TIMP4: variants seen among roughly 807,000 people sequenced by gnomAD.
The protein encoded by TIMP4 is TIMP metallopeptidase inhibitor 4.
TIMP4 carries 28 observed loss-of-function variants against 27.3 expected under a neutral mutation model. The ratio of observed to expected loss-of-function variants is 1.03; its 90% confidence interval spans 0.76 to 1.41. The LOEUF is 1.41. Among genes scored for constraint, TIMP4 ranks in the 40% most tolerant of loss-of-function variants. TIMP4 has a pLI of 0.00. For missense variants in TIMP4, 307 were observed against 285.5 expected, an observed-to-expected ratio of 1.08 and a Z score of -0.54; for synonymous variants, 138 against 115.5, an observed-to-expected ratio of 1.20 and a Z score of -1.25.
chr3:12,155,740 C>G (rs565873059), intron 3 of TIMP4, among the ~76,000 whole-genome samples: 3 of 152,316 alleles, frequency 2.0e-5, no homozygotes, highest in African/African-American at 7.2e-5. Flanking sequence ...GACTTGACCT[C>G]CCTGAAGGCA....
chr3:12,154,015 A>G (rs1353454684), intron 4 of TIMP4, among the ~76,000 whole-genome samples: 1 of 152,172 alleles, frequency 6.6e-6, no homozygotes, highest in Admixed American at 6.5e-5. Context: ...TTAATTCTTC[A>G]TAAATATGTT....
At chr3:12,158,473 C>G (rs894806701) in intron 1 of TIMP4, among the ~76,000 whole-genome samples, 1 of 152,122 alleles carries the variant, frequency 6.6e-6, no homozygotes, top group African/African-American at 2.4e-5. Flanking sequence ...TGAGGGAGGT[C>G]GCTATGGAAG....
chr3:12,157,634 G>A, intron 1 of TIMP4, 152 bp from the exon 2 acceptor site: 1 of 686,124 alleles, frequency 1.5e-6, no homozygotes, highest in South Asian at 1.8e-5. Context: ...TGAGAAGGGG[G>A]ACCTGGAAAC....
chr3:12,153,179 C>T lies in TIMP4; in HGVS notation c.*336G>A. The stretch of plus-strand genomic sequence containing the variant: ...CATGTGTATGACATTCGCCATTTCT[C>T]CCCTACCAGATCGATTAAGACAAAG... On this transcript the variant is annotated 3_prime_UTR_variant, in exon 5 of 5. Coordinates refer to ENST00000287814, the MANE Select transcript of TIMP4 (RefSeq NM_003256.4). The T allele has an allele frequency of 2.5e-6, 1 of 392,692 alleles. No homozygotes were observed. Among genetic ancestry groups the T allele is most frequent in the Non-Finnish European group, 4.8e-6 (1 of 206,818 alleles). The allele number at this position is 392,692 out of a possible 1,614,324, so 24.3% of individuals were successfully genotyped here. A position where few individuals can be genotyped will look rare whatever the true frequency, so the allele number is the denominator to read the frequency against.
Position 12,153,480 on chromosome 3 carries a change from G to T in TIMP4, c.*35C>A, listed in dbSNP as rs948912634. The T allele has an allele frequency of 5.6e-6, 9 of 1,609,580 alleles. No homozygotes were observed. Among genetic ancestry groups the T allele is most frequent in the Non-Finnish European group, 7.6e-6 (9 of 1,177,652 alleles). ...GAAGGAGAACTGGCTTGATCTTCAG[G>T]ACTCTTGAAGGGATGTGATGGTCAC... On this transcript the variant is annotated 3_prime_UTR_variant, in exon 5 of 5. Transcript: ENST00000287814.
intron 1 of TIMP4, 153 bp downstream of exon 1, chr3:12,158,549 G>C (rs1217989972): frequency 2.6e-6 from 3 of 1,140,256 alleles, no homozygotes; most frequent in Middle Eastern, 2.0e-4. Flanking sequence ...TTGCTATGGC[G>C]CCTGGTCCTT....
chr3:12,153,553 G>T lies in TIMP4; in HGVS notation c.637C>A (p.Pro213Thr), dbSNP rs1697365541. The T allele has an allele frequency of 2.5e-6, 4 of 1,614,012 alleles. No individual in the cohort carries two copies. Among genetic ancestry groups the T allele is most frequent in the East Asian group, 2.2e-5 (1 of 44,882 alleles). ...ATGTCAACAAACTCCTTCCTGAGAG[G>T]CAGGTGGCCCCGGTACCAGCTGCAG... ...GTCSWYRGHLPLRKEFVDIVQ... is the reference protein window; with the variant it reads ...GTCSWYRGHLTLRKEFVDIVQ... Residue 213 changes from proline to threonine, a missense_variant, in exon 5 of 5, where the codon CCT (proline) becomes ACT (threonine). Transcript: ENST00000287814.
chr3:12,156,968 G>T, intron 2 of TIMP4, 34 bp from the exon 3 acceptor site: 1 of 1,462,956 alleles, frequency 6.8e-7, no homozygotes, highest in Non-Finnish European at 9.6e-7. Flanking sequence ...GCAATATTGG[G>T]TCAGTGAGTG....
intron 3 of TIMP4, 66 bp from the exon 4 acceptor site, chr3:12,154,517 T>A: frequency 6.3e-7 from 1 of 1,582,098 alleles, no homozygotes; most frequent in East Asian, 2.2e-5. Context: ...GGGGCCCAGG[T>A]CCTTGAAAAG....
rs762746620 is a variant in TIMP4, at chr3:12,158,845, C to T, written c.-5G>A. ...GGGCCGAGGGCTCCCAGGCATGACA[C>T]TGCAGATCCGCGACTGAGCCTGTGA... On this transcript the variant is annotated 5_prime_UTR_variant, in exon 1 of 5. In the 5' UTR this introduces an upstream ATG that the reference lacks. Coordinates refer to ENST00000287814, the MANE Select transcript of TIMP4 (RefSeq NM_003256.4). 5 of 1,570,586 alleles carry T rather than the reference C, an allele frequency of 3.2e-6. No individual in the cohort carries two copies. Among genetic ancestry groups the T allele is most frequent in the African/African-American group, 1.3e-5 (1 of 74,346 alleles).
chr3:12,153,076 T>C lies in TIMP4; in HGVS notation c.*439A>G. ...TACACAGCCACAGTATGTTCTTGTT[T>C]TCATTCCTGCCAGTCAGCCTGTTTA... On this transcript the variant is annotated 3_prime_UTR_variant, in exon 5 of 5. Coordinates refer to ENST00000287814, the MANE Select transcript of TIMP4 (RefSeq NM_003256.4). The C allele has an allele frequency of 4.2e-6, 1 of 238,324 alleles. No individual in the cohort carries two copies. The highest frequency in any genetic ancestry group is 6.9e-5 in the South Asian group (1 of 14,590). The allele number at this position is 238,324 out of a possible 1,614,324, so 14.8% of individuals were successfully genotyped here. A position where few individuals can be genotyped will look rare whatever the true frequency, so the allele number is the denominator to read the frequency against.
Position 12,153,136 on chromosome 3 carries a change from C to A in TIMP4, c.*379G>T. The A allele has an allele frequency of 3.3e-6, 1 of 305,264 alleles. No homozygotes were observed. The highest frequency in any genetic ancestry group is 6.4e-6 in the Non-Finnish European group (1 of 155,224). The allele number at this position is 305,264 out of a possible 1,614,324, so 18.9% of individuals were successfully genotyped here. A position where few individuals can be genotyped will look rare whatever the true frequency, so the allele number is the denominator to read the frequency against. On this transcript the variant is annotated 3_prime_UTR_variant, in exon 5 of 5. Transcript: ENST00000287814. ...CAAACCACCTTCTGATACTGTACAT[C>A]GCAAGGATATACCATCTCATGTGTA...
At chr3:12,156,974 G>T in intron 2 of TIMP4, 40 bp from the exon 3 acceptor site, 1 of 1,435,150 alleles carries the variant, frequency 7.0e-7, no homozygotes, top group Non-Finnish European at 9.8e-7. Flanking sequence ...TTGGGTCAGT[G>T]AGTGTACTGT....
Position 12,154,427 on chromosome 3 carries a change from A to T in TIMP4, c.377T>A (p.Val126Asp). 6.2e-7 allele frequency: 1 copy of T among 1,614,094 alleles called. No individual in the cohort carries two copies. The highest frequency in any genetic ancestry group is 8.5e-7 in the Non-Finnish European group (1 of 1,179,994). The change falls in exon 4 of 5, where the codon GTC becomes GAC. Residue 126 changes from valine (V) to aspartate (D), a missense_variant. Val to Asp is a radical substitution (Grantham distance 152). Coordinates refer to ENST00000287814, the MANE Select transcript of TIMP4 (RefSeq NM_003256.4). ...GATGTAGTTGCACAGATGGATGAAG[A>T]CTTTTCCATCACTGAGGACCTGACC... ...LTGQVLSDGK[V>D]FIHLCNYIEP... is the part of the protein sequence containing the mutation.
Position 12,153,690 on chromosome 3 carries a change from G to A in TIMP4, c.500C>T (p.Pro167Leu), listed in dbSNP as rs781298366. 6 of 1,614,182 alleles carry A rather than the reference G, an allele frequency of 3.7e-6. No individual in the cohort carries two copies. Among genetic ancestry groups the A allele is most frequent in the Admixed American group, 1.7e-5 (1 of 60,026 alleles). The change falls in exon 5 of 5, where the codon CCC becomes CTC. Residue 167 changes from proline to leucine, a missense_variant. Coordinates refer to ENST00000287814, the MANE Select transcript of TIMP4 (RefSeq NM_003256.4). ...CTCGTTAGGGGCCGAGATGGTACAG[G>A]GTACTGTGTAGCAGGTGGTGATCTA... The part of the protein sequence containing the change: ...GCQITTCYTV[P>L]CTISAPNECL...
At chr3:12,155,026 AC>A (rs1697415222) in intron 3 of TIMP4, among the ~76,000 whole-genome samples, 1 of 11,114 alleles carries the variant, frequency 9.0e-5, no homozygotes, top group African/African-American at 1.8e-4. Context: ...GCTCCTTTTC[AC>A]CTTTCAGACG....
Position 12,158,816 on chromosome 3 carries a change from G to A in TIMP4, c.25C>T (p.Pro9Ser), listed in dbSNP as rs1296103860. 7 of 1,597,338 alleles carry A rather than the reference G, an allele frequency of 4.4e-6. No homozygotes were observed. Among genetic ancestry groups the A allele is most frequent in the Non-Finnish European group, 6.0e-6 (7 of 1,175,714 alleles). ...AGCCGCAGCAACAGCACCCAGCTTG[G>A]CGCGGGCCGAGGGCTCCCAGGCATG... MPGSPRPA[P>S]SWVLLLRLLA... The change falls in exon 1 of 5, where the codon CCA becomes TCA. Residue 9 changes from proline to serine, a missense_variant. Physicochemically the swap from Pro to Ser is moderately conservative, Grantham distance 74. Coordinates refer to ENST00000287814, the MANE Select transcript of TIMP4 (RefSeq NM_003256.4).
In TIMP4 at chr3:12,153,662, G is replaced by T. The variant is rs765217143; in HGVS notation, c.528C>A (p.Cys176Ter). 12 of 1,614,080 alleles carry T rather than the reference G, an allele frequency of 7.4e-6. No individual in the cohort carries two copies. In the East Asian group the frequency reaches 2.7e-4, roughly 36 times the overall value. Residue 176 changes from cysteine (C) to a stop codon, truncating the protein, a stop_gained, in exon 5 of 5, where the codon TGC becomes TGA. Coordinates refer to ENST00000287814, the MANE Select transcript of TIMP4 (RefSeq NM_003256.4). LOFTEE classifies it high-confidence loss of function. The stretch of plus-strand genomic sequence containing the variant: ...GTTCCAACAGCCAGTCTGTCCAGAG[G>T]CACTCGTTAGGGGCCGAGATGGTAC... ...VPCTISAPNE[C>*]LWTDWLLERK...
chr3:12,158,818 G>A lies in TIMP4; in HGVS notation c.23C>T (p.Ala8Val), dbSNP rs756570748. 54 of 1,595,556 alleles carry A rather than the reference G, an allele frequency of 3.4e-5. No homozygotes were observed. Among genetic ancestry groups the A allele is most frequent in the South Asian group, 3.3e-4 (30 of 89,834 alleles). Reference sequence around the variant, plus strand: ...CCGCAGCAACAGCACCCAGCTTGGCGCGGGCCGAGGGCTCCCAGGCATGAC... The same window carrying A: ...CCGCAGCAACAGCACCCAGCTTGGCACGGGCCGAGGGCTCCCAGGCATGAC... The part of the protein sequence containing the change: MPGSPRP[A>V]PSWVLLLRLL... Residue 8 changes from alanine to valine, a missense_variant, in exon 1 of 5, where the codon GCG becomes GTG. Physicochemically the swap from Ala to Val is moderately conservative, Grantham distance 64. Coordinates refer to ENST00000287814, the MANE Select transcript of TIMP4 (RefSeq NM_003256.4).
Sources: allele counts gnomAD v4.1 joint callset (sites outside exome capture counted in the v4.1 genomes callset), GRCh38; gene constraint gnomAD v4.1.1; transcripts MANE v1.5; gene names NCBI Gene and HGNC (gene_info 2026-07-23, HGNC 2026-07-21).